The following TACC2 variants were observed in gnomAD, a reference collection of about 807,000 sequenced individuals.
TACC2 encodes transforming acidic coiled-coil containing protein 2.
A neutral mutation model predicts 227.3 loss-of-function variants in TACC2; 137 were observed. The ratio of observed to expected loss-of-function variants is 0.60; its 90% CI spans 0.52 to 0.69. The LOEUF (loss-of-function observed/expected upper bound fraction) is 0.69. Among genes scored for constraint, TACC2 ranks in the 30% least tolerant of loss-of-function variants. TACC2 has a pLI of 0.00. For missense variants in TACC2, 3,470 were observed against 3,694.4 expected (o/e 0.94, Z 1.57); for synonymous variants, 1,523 against 1,487.5 (o/e 1.02, Z -0.55).
At chr10:122,038,670 T>A (rs992521873) in intron 2 of TACC2, among the ~76,000 whole-genome samples, 2 of 152,204 alleles carry the variant, frequency 1.3e-5, no homozygotes, top group African/African-American at 2.4e-5. Flanking sequence ...CTCTGGAGCT[T>A]CTAAGTGAGC....
chr10:122,037,542 A>C (rs1960801676), intron 2 of TACC2, among the ~76,000 whole-genome samples: 2 of 152,314 alleles, frequency 1.3e-5, no homozygotes, highest in Non-Finnish European at 2.9e-5. Context: ...GCCAATTGGA[A>C]ACTGACAAGC....
Position 122,237,317 on chromosome 10 carries a change from A to G in TACC2, c.8128-78A>G. 7 of 1,403,408 alleles carry G rather than the reference A, an allele frequency of 5.0e-6. No homozygotes were observed. In the East Asian group the frequency reaches 1.2e-4, roughly 24 times the overall value. 86.9% of individuals were successfully genotyped at this position (1,403,408 alleles called of 1,614,324 possible). On this transcript the variant is annotated intron_variant, in intron 16 of 22. Coordinates refer to ENST00000369005, the MANE Select transcript of TACC2 (RefSeq NM_206862.4). ...TCAAAACCATACAATTGGCCCATTCATGAGAGGGTGAGTGTAATCCTCTTT... is the reference window on the plus strand; with the variant it reads ...TCAAAACCATACAATTGGCCCATTCGTGAGAGGGTGAGTGTAATCCTCTTT...
intron 1 of TACC2, among the ~76,000 whole-genome samples, chr10:122,000,380 A>G (rs974855879): frequency 1.3e-5 from 2 of 148,806 alleles, no homozygotes; most frequent in African/African-American, 5.2e-5. Context: ...CTCTGTCTCA[A>G]AAAAAAGAGA....
Position 122,086,633 on chromosome 10 carries a change from G to C in TACC2, c.4133G>C (p.Gly1378Ala), listed in dbSNP as rs766977575. ...ACAGAGGGCAGCATGGAGAGGATGGGAGAGCCTTCCCAGGACCCAAAGCAG... is the reference window on the plus strand; with the variant it reads ...ACAGAGGGCAGCATGGAGAGGATGGCAGAGCCTTCCCAGGACCCAAAGCAG... ...GETEGSMERM[G>A]EPSQDPKQGT... The change falls in exon 4 of 23, where the codon GGA becomes GCA. Residue 1378 changes from glycine to alanine, a missense_variant. By Grantham distance (60) the Gly-to-Ala change is moderately conservative (BLOSUM62 0). Coordinates refer to ENST00000369005, the MANE Select transcript of TACC2 (RefSeq NM_206862.4). 1 of 1,602,986 alleles carries C rather than the reference G, an allele frequency of 6.2e-7. No homozygotes were observed. Among genetic ancestry groups the C allele is most frequent in the Non-Finnish European group, 8.5e-7 (1 of 1,174,354 alleles).
At chr10:122,237,608 G>A (rs2095882082) in intron 17 of TACC2, 70 bp downstream of exon 17, 1 of 1,548,330 alleles carries the variant, frequency 6.5e-7, no homozygotes. Flanking sequence ...GGTCCACAAA[G>A]CCAGAGTCTT....
Position 122,216,923 on chromosome 10 carries a change from T to A in TACC2, c.7546+95T>A, listed in dbSNP as rs184052016. The A allele has an allele frequency of 1.8e-4, 294 of 1,602,872 alleles. No individual in the cohort carries two copies. The East Asian group carries it at 5.8e-3, about 32-fold the overall frequency. The stretch of plus-strand genomic sequence containing the variant: ...CCAGGAGAGAAACTTCTCAGCCAGG[T>A]AACCACGTGATCATCATTGTGAGAT... On this transcript the variant is annotated intron_variant, in intron 11 of 22. Coordinates refer to ENST00000369005, the MANE Select transcript of TACC2 (RefSeq NM_206862.4).
intron 5 of TACC2, among the ~76,000 whole-genome samples, chr10:122,119,954 A>G (rs963197838): frequency 1.3e-5 from 2 of 151,732 alleles, no homozygotes; most frequent in African/African-American, 4.8e-5. Flanking sequence ...GAAAAAAAGG[A>G]AGAACATTGG....
chr10:122,206,658 G>A (rs1001897511), intron 8 of TACC2, among the ~76,000 whole-genome samples: 2 of 152,216 alleles, frequency 1.3e-5, no homozygotes, highest in African/African-American at 4.8e-5. Flanking sequence ...AGCCCAGCAA[G>A]CTCATGTAAC....
At chr10:122,106,631 T>C (rs576872000) in intron 5 of TACC2, among the ~76,000 whole-genome samples, 1 of 152,342 alleles carries the variant, frequency 6.6e-6, no homozygotes, top group South Asian at 2.1e-4. Flanking sequence ...CTTTGGCAAA[T>C]GATGATGTGC....
chr10:122,147,008 C>T (rs1036568648), intron 7 of TACC2, among the ~76,000 whole-genome samples: 1 of 152,266 alleles, frequency 6.6e-6, no homozygotes, highest in Non-Finnish European at 1.5e-5. Context: ...CCTGTGGGTT[C>T]TGGGAGGAAG....
intron 2 of TACC2, among the ~76,000 whole-genome samples, chr10:122,029,185 T>G (rs548530413): frequency 6.6e-6 from 1 of 151,710 alleles, no homozygotes; most frequent in Non-Finnish European, 1.5e-5. Context: ...AACATAATGC[T>G]TGTAATCAAG....
chr10:122,242,643 C>T (rs1283537108), intron 19 of TACC2, among the ~76,000 whole-genome samples: 2 of 151,982 alleles, frequency 1.3e-5, no homozygotes, highest in Non-Finnish European at 2.9e-5. Context: ...GCCTTTTTTT[C>T]TTTTCTTTTC....
intron 3 of TACC2, among the ~76,000 whole-genome samples, chr10:122,063,279 T>C (rs1021231255): frequency 1.3e-5 from 2 of 152,196 alleles, no homozygotes; most frequent in Non-Finnish European, 2.9e-5. Flanking sequence ...CCTTCCAAAC[T>C]TGGGAGGACT....
Position 122,003,654 on chromosome 10 carries a change from CT to C in TACC2, c.-46+14178del, listed in dbSNP as rs112354709. ...ATAGCCCTTTCCAAAACTAAACCAC[CT>C]TTTTTTTTTTTCTTTTCTGAGATGG... On this transcript the variant is annotated intron_variant, in intron 1 of 22. Coordinates refer to ENST00000369005, the MANE Select transcript of TACC2 (RefSeq NM_206862.4). 3.4e-3 allele frequency among the ~76,000 whole-genome samples: 494 copies of C among 145,728 alleles called. 2 individuals carry two copies. The highest frequency in any genetic ancestry group is 0.014 in the South Asian group (64 of 4,584).
rs1037453041 is a variant in TACC2 at position 122,209,103 on chromosome 10, C to G, written c.5972-1294C>G. ...ATGTTTGGGAAATAGGAGCAACCTC[C>G]TTGACTGGCAGGGGCTGATGAGGTA... On this transcript the variant is annotated intron_variant, in intron 8 of 22. Coordinates refer to ENST00000369005, the MANE Select transcript of TACC2 (RefSeq NM_206862.4). The surrounding 1 kb of genome is among the most constrained non-coding windows in gnomAD (Gnocchi z 4.5). Among the ~76,000 whole-genome samples the G allele has an allele frequency of 3.3e-5, 5 of 152,142 alleles. No individual in the cohort carries two copies. Among genetic ancestry groups the G allele is most frequent in the Non-Finnish European group, 7.4e-5 (5 of 67,992 alleles).
chr10:122,132,911 G>A (rs7919942), intron 6 of TACC2, among the ~76,000 whole-genome samples, 177 bp downstream of exon 6: 1,912 of 152,054 alleles, frequency 0.013, 37 homozygotes, highest in African/African-American at 0.044. Context: ...CCAGAGTTGG[G>A]GCCTCTTCTT....
In TACC2 at chr10:122,050,784, T is replaced by C. The variant is rs1272164128; in HGVS notation, c.146+234T>C. ...TGCCCAAAGATGAAATTAGTAATTA[T>C]AGACTTCCATTCCAGCCACACTCCA... On this transcript the variant is annotated intron_variant, in intron 3 of 22. Transcript: ENST00000369005. The surrounding 1 kb of genome is among the most constrained non-coding windows in gnomAD (Gnocchi z 4.6). The C allele has an allele frequency of 1.9e-6, 1 of 517,392 alleles. No individual in the cohort carries two copies. The highest frequency in any genetic ancestry group is 3.4e-6 in the Non-Finnish European group (1 of 291,790). 32.1% of individuals were successfully genotyped at this position (517,392 alleles called of 1,614,324 possible).
At chr10:122,184,775 T>G (rs2094118658) in intron 7 of TACC2, among the ~76,000 whole-genome samples, 1 of 152,206 alleles carries the variant, frequency 6.6e-6, no homozygotes, top group Non-Finnish European at 1.5e-5. Flanking sequence ...TAAGCTCATA[T>G]TATATACACA....
At chr10:122,128,978 C>T (rs1488282354) in intron 5 of TACC2, among the ~76,000 whole-genome samples, 1 of 151,554 alleles carries the variant, frequency 6.6e-6, no homozygotes, top group Non-Finnish European at 1.5e-5. Context: ...AAATGTGGAT[C>T]ATGCTGCTAA....
Sources: allele counts gnomAD v4.1 joint callset (sites outside exome capture counted in the v4.1 genomes callset), GRCh38; gene constraint gnomAD v4.1.1; non-coding constraint Gnocchi (gnomAD v3.1); transcripts MANE v1.5; gene names NCBI Gene and HGNC (gene_info 2026-07-23, HGNC 2026-07-21).